RCC1L: variants seen among roughly 807,000 people sequenced by gnomAD.
The protein encoded by RCC1L is RCC1-like G exchanging factor-like protein.
In RCC1L, 46 loss-of-function variants were observed where a neutral mutation model predicts 58.6. The ratio of observed to expected loss-of-function variants is 0.79; its 90% confidence interval spans 0.62 to 1.00. The LOEUF is 1.00. Ranked by LOEUF, RCC1L falls within the 50% of genes least tolerant of loss-of-function variation. RCC1L has a pLI of 0.00. For missense variants in RCC1L, 636 were observed against 623.6 expected, an observed-to-expected ratio of 1.02 and a Z score of -0.21; for synonymous variants, 281 against 262.9, an observed-to-expected ratio of 1.07 and a Z score of -0.67.
chr7:75,056,477 T>A (rs1435801254), intron 8 of RCC1L: 2 of 1,459,382 alleles, frequency 1.4e-6, no homozygotes. Flanking sequence ...ACATCAACAA[T>A]GTCTGGCCAG....
chr7:75,048,898 T>C (rs1455455649), intron 10 of RCC1L, among the ~76,000 whole-genome samples: 1 of 152,258 alleles, frequency 6.6e-6, no homozygotes, highest in Non-Finnish European at 1.5e-5. Flanking sequence ...ATCCTGGCTC[T>C]GACTCCAACT....
chr7:75,055,498 T>A (rs916276095), intron 9 of RCC1L: 94 of 268,106 alleles, frequency 3.5e-4, no homozygotes, highest in Middle Eastern at 1.4e-3. Flanking sequence ...CTGGGTCAGA[T>A]CAGGGTCTGG....
At chr7:75,030,412 CA>C (rs1248366470) in intron 10 of RCC1L, among the ~76,000 whole-genome samples, 2 of 152,122 alleles carry the variant, frequency 1.3e-5, no homozygotes, top group East Asian at 3.9e-4. Context: ...ACCCTGGCTC[CA>C]GGGGAGAGGG....
chr7:75,047,235 G>C (rs1302356638), intron 10 of RCC1L, among the ~76,000 whole-genome samples: 2 of 152,192 alleles, frequency 1.3e-5, no homozygotes, highest in Admixed American at 1.3e-4. Context: ...GGGATTACAG[G>C]CGTGAGCCAC....
downstream of RCC1L, among the ~76,000 whole-genome samples, chr7:75,040,361 A>G (rs1420261100): frequency 2.0e-5 from 3 of 152,068 alleles, no homozygotes; most frequent in South Asian, 4.2e-4. Context: ...TCGGGAGGCT[A>G]AGGCAAGAGA....
Position 75,064,641 on chromosome 7 carries a change from G to A in RCC1L, c.591C>T (p.Ser197=). The A allele has an allele frequency of 1.2e-6, 2 of 1,613,728 alleles. No individual in the cohort carries two copies. Among genetic ancestry groups the A allele is most frequent in the Non-Finnish European group, 1.7e-6 (2 of 1,179,794 alleles). Residue 197 remains serine, a synonymous_variant, in exon 4 of 11, where the codon AGC becomes AGT. Transcript: ENST00000610322. The part of the protein sequence containing the change: ...LVLTDREGVF[S]MGNNSYGQCG... The stretch of plus-strand genomic sequence containing the variant: ...ATTGCCCATAAGAATTGTTTCCCAT[G>A]CTGAAGACTAAAAATAACACCACCA...
intron 5 of RCC1L, 137 bp downstream of exon 5, chr7:75,063,155 A>ACTAAATTTTT (rs1806329278): frequency 1.0e-6 from 1 of 961,706 alleles, no homozygotes; most frequent in East Asian, 2.5e-5. Context: ...GGCCTATAGT[A>ACTAAATTTTT]AGTAGGCTAC....
chr7:75,055,980 G>A lies in RCC1L; in HGVS notation c.1152C>T (p.Leu384=), dbSNP rs782174709. 2 of 1,613,974 alleles carry A rather than the reference G, an allele frequency of 1.2e-6. No individual in the cohort carries two copies. Among genetic ancestry groups the A allele is most frequent in the Non-Finnish European group, 1.7e-6 (2 of 1,179,870 alleles). ...CTGGGTTGAACTCCGTCAAGCCAAA[G>A]AGAGTGGGTGGAATCATTTCAGGGA... ...SAVPEMIPPT[L]FGLTEFNPEI... is the part of the protein sequence containing the mutation. Residue 384 remains leucine (L), a synonymous_variant, in exon 9 of 11, where the codon CTC becomes CTT. Transcript: ENST00000610322.
chr7:75,035,282 C>T (rs1185270399), intron 10 of RCC1L, among the ~76,000 whole-genome samples: 3 of 152,288 alleles, frequency 2.0e-5, no homozygotes, highest in East Asian at 1.9e-4. Context: ...CCGCCCGCCT[C>T]GGCCTCCCAA....
chr7:75,068,797 A>T (rs1194837124), intron 2 of RCC1L, among the ~76,000 whole-genome samples: 2 of 152,206 alleles, frequency 1.3e-5, no homozygotes, highest in African/African-American at 4.8e-5. Flanking sequence ...AACAGGAAAA[A>T]ACAAAAATGA....
At chr7:75,073,009 T>A (rs1390661125) in intron 1 of RCC1L, among the ~76,000 whole-genome samples, 1 of 152,214 alleles carries the variant, frequency 6.6e-6, no homozygotes, top group African/African-American at 2.4e-5. Flanking sequence ...CTGGTATACA[T>A]TTTCAATGGA....
intron 1 of RCC1L, 63 bp downstream of exon 1, chr7:75,073,351 G>T: frequency 1.3e-6 from 1 of 761,692 alleles, no homozygotes; most frequent in Non-Finnish European, 1.9e-6. Flanking sequence ...AGCCGAACAG[G>T]TCGAGGGAGG....
At chr7:75,068,670 C>G (rs1806602251) in intron 2 of RCC1L, among the ~76,000 whole-genome samples, 1 of 151,764 alleles carries the variant, frequency 6.6e-6, no homozygotes, top group African/African-American at 2.4e-5. Context: ...TGGGCGACAG[C>G]AAGACTCCAT....
Position 75,042,753 on chromosome 7 carries a change from C to T in RCC1L, c.*279G>A, listed in dbSNP as rs1805604149. 7.2e-7 allele frequency: 1 copy of T among 1,379,616 alleles called. No individual in the cohort carries two copies. Among genetic ancestry groups the T allele is most frequent in the African/African-American group, 1.5e-5 (1 of 68,388 alleles). 85.5% of individuals were successfully genotyped at this position (1,379,616 alleles called of 1,614,324 possible). ...CGAGACGTGACACCAGACACCGTCGCATGTTACTTGGAGAGAACAGAGACG... is the reference window on the plus strand; with the variant it reads ...CGAGACGTGACACCAGACACCGTCGTATGTTACTTGGAGAGAACAGAGACG... On this transcript the variant is annotated 3_prime_UTR_variant, in exon 11 of 11. Transcript: ENST00000610322.
Position 75,073,767 on chromosome 7 carries a change from G to A in RCC1L, c.-30C>T, listed in dbSNP as rs782606718. On this transcript the variant is annotated 5_prime_UTR_variant, in exon 1 of 11. Coordinates refer to ENST00000610322, the MANE Select transcript of RCC1L (RefSeq NM_030798.5). Reference sequence around the variant, plus strand: ...CGTTCCGCGCCTCAGCAGCCTCTGGGCGCCGCCATCTTGCGTGACCCTTAA... The same window carrying A: ...CGTTCCGCGCCTCAGCAGCCTCTGGACGCCGCCATCTTGCGTGACCCTTAA... 4.7e-6 allele frequency: 7 copies of A among 1,491,980 alleles called. No individual in the cohort carries two copies. The highest frequency in any genetic ancestry group is 4.3e-5 in the African/African-American group (3 of 70,314). The allele number at this position is 1,491,980 out of a possible 1,614,324, so 92.4% of individuals were successfully genotyped here.
At chr7:75,061,395 T>A in intron 5 of RCC1L, 104 bp from the exon 6 acceptor site, 5 of 916,192 alleles carry the variant, frequency 5.5e-6, no homozygotes, top group Non-Finnish European at 9.1e-6. Context: ...CCTGGGCACC[T>A]GGAGCATGGT....
rs782755378 is a variant in RCC1L, at chr7:75,073,586, A to T, written c.152T>A (p.Val51Glu). 1 of 1,523,950 alleles carries T rather than the reference A, an allele frequency of 6.6e-7. No individual in the cohort carries two copies. The highest frequency in any genetic ancestry group is 8.7e-7 in the Non-Finnish European group (1 of 1,147,132). The allele number at this position is 1,523,950 out of a possible 1,614,324, so 94.4% of individuals were successfully genotyped here. Residue 51 changes from valine to glutamate, a missense_variant, in exon 1 of 11, where the codon GTG becomes GAG. Coordinates refer to ENST00000610322, the MANE Select transcript of RCC1L (RefSeq NM_030798.5). ...AEAEVPVVQY[V>E]GERAARADRV... ...ATCGGCGCGGGCAGCGCGCTCGCCC[A>T]CGTACTGGACCACGGGCACCTCCGC...
intron 10 of RCC1L, among the ~76,000 whole-genome samples, chr7:75,031,400 G>A (rs1805300868): frequency 6.6e-6 from 1 of 151,924 alleles, no homozygotes; most frequent in South Asian, 2.1e-4. Flanking sequence ...TTATTTTCTT[G>A]TTGAAGAAAC....
intron 2 of RCC1L, among the ~76,000 whole-genome samples, chr7:75,069,715 C>A (rs587616690): frequency 1.3e-5 from 2 of 152,168 alleles, no homozygotes; most frequent in South Asian, 4.2e-4. Context: ...AGGTGCGTGC[C>A]ACCATGCCCG....
Sources: gnomAD v4.1 joint callset for allele counts (sites outside exome capture counted in the v4.1 genomes callset) on GRCh38, gnomAD v4.1.1 for gene constraint, MANE v1.5 for transcripts, NCBI Gene and HGNC (gene_info 2026-07-23, HGNC 2026-07-21) for gene names.